Variants in GRAP2 observed in about 807,000 individuals in gnomAD.
GRAP2 encodes the protein GRB2 related adaptor protein 2.
Under a neutral mutation model 43.5 loss-of-function variants are expected in GRAP2, and 31 were observed. The ratio of observed to expected loss-of-function variants is 0.71; its 90% CI spans 0.54 to 0.96. The LOEUF (loss-of-function observed/expected upper bound fraction) is 0.96. Among genes scored for constraint, GRAP2 ranks in the 40% least tolerant of loss-of-function variants. The pLI is 0.00. For synonymous variants in GRAP2, 156 were observed against 164.8 expected (o/e 0.95, Z 0.41); for missense variants, 371 against 424.4 (o/e 0.87, Z 1.11).
intron 4 of GRAP2, among the ~76,000 whole-genome samples, chr22:39,965,163 G>T (rs1601742223): frequency 6.6e-6 from 1 of 152,358 alleles, no homozygotes; most frequent in East Asian, 1.9e-4. Context: ...GCCAAGGCAG[G>T]TGGATCACCG....
intron 1 of GRAP2, among the ~76,000 whole-genome samples, chr22:39,922,194 A>G (rs5757806): frequency 0.5 from 76,357 of 152,004 alleles, 20,492 homozygotes; most frequent in East Asian, 0.75. Context: ...AAGACACACA[A>G]GCAAACAAAT....
intron 1 of GRAP2, among the ~76,000 whole-genome samples, chr22:39,909,523 C>T (rs1244623943): frequency 6.6e-6 from 1 of 152,124 alleles, no homozygotes. Flanking sequence ...GTAAAAATTA[C>T]CTGTCTGATT....
At chr22:39,930,706 TATGAAGTCCTAAGTCCCTGGC>T (rs2066747837) in intron 1 of GRAP2, among the ~76,000 whole-genome samples, 1 of 152,194 alleles carries the variant, frequency 6.6e-6, no homozygotes. Flanking sequence ...TCATCCTTGG[TATGAAGTCCTAAGTCCCTGGC>T]ATGCTTTCAA....
chr22:39,945,275 T>G (rs751863984), intron 1 of GRAP2, among the ~76,000 whole-genome samples: 1 of 152,256 alleles, frequency 6.6e-6, no homozygotes, highest in Non-Finnish European at 1.5e-5. Flanking sequence ...CTTTGGCTCC[T>G]GGTCTATTTT....
chr22:39,904,675 A>G (rs1037468243), intron 1 of GRAP2, among the ~76,000 whole-genome samples: 2 of 152,250 alleles, frequency 1.3e-5, no homozygotes, highest in South Asian at 2.1e-4. Context: ...AGTCCTTAAT[A>G]TCATCTGATA....
At chr22:39,935,274 C>A (rs949089598) in intron 1 of GRAP2, among the ~76,000 whole-genome samples, 13 of 152,154 alleles carry the variant, frequency 8.5e-5, no homozygotes, top group Non-Finnish European at 1.0e-4. Flanking sequence ...TTTGATTCAA[C>A]GTAAACAATT....
At chr22:39,961,371 C>T (rs1309450844) in intron 4 of GRAP2, among the ~76,000 whole-genome samples, 1 of 152,208 alleles carries the variant, frequency 6.6e-6, no homozygotes, top group Non-Finnish European at 1.5e-5. Context: ...ACCTTCCCAT[C>T]TCCTTTGGTT....
chr22:39,930,036 A>G (rs554461806), intron 1 of GRAP2, among the ~76,000 whole-genome samples: 1 of 152,372 alleles, frequency 6.6e-6, no homozygotes, highest in South Asian at 2.1e-4. Context: ...GTTTGGAAAA[A>G]ATAATGCAAA....
chr22:39,935,921 T>C (rs1264697377), intron 1 of GRAP2, among the ~76,000 whole-genome samples: 1 of 152,136 alleles, frequency 6.6e-6, no homozygotes, highest in Non-Finnish European at 1.5e-5. Context: ...GTCACAGCCC[T>C]GGCGAAAACA....
rs764252920 is a variant in GRAP2 at position 39,947,094 on chromosome 22, T to G, written c.-13T>G. 8 of 1,567,130 alleles carry G rather than the reference T, an allele frequency of 5.1e-6. No homozygotes were observed. The South Asian group carries it at 8.9e-5, about 17-fold the overall frequency. On this transcript the variant is annotated splice_region_variant and 5_prime_UTR_variant, in exon 2 of 8. Transcript: ENST00000344138. ...ATGACCACATTATTTCTCTTCCAGC[T>G]TCACGTTACAGCATGGAAGCTGTTG...
intron 1 of GRAP2, among the ~76,000 whole-genome samples, chr22:39,914,894 A>T (rs1016598788): frequency 5.3e-5 from 8 of 152,124 alleles, no homozygotes; most frequent in South Asian, 2.1e-4. Flanking sequence ...TATAAAAAAA[A>T]ATATTCATTT....
Position 39,958,545 on chromosome 22 carries a change from T to G in GRAP2, c.171-1510T>G, listed in dbSNP as rs559329316. On this transcript the variant is annotated intron_variant, in intron 3 of 7. Coordinates refer to ENST00000344138, the MANE Select transcript of GRAP2 (RefSeq NM_004810.4). ...CAGTACTAGATGTTCAGTAAAGCTG[T>G]TGAATGAATGAATGAATGAATGAAC... is the stretch of plus-strand genomic sequence containing the variant. Among the ~76,000 whole-genome samples the G allele has an allele frequency of 2.0e-5, 3 of 151,378 alleles. No individual in the cohort carries two copies. The East Asian group carries it at 5.8e-4, about 29-fold the overall frequency.
In GRAP2 at chr22:39,911,972, A is replaced by AT. The variant is rs920193511; in HGVS notation, c.-15+10646dup. ...CTAGAGTGAAGGGATTTTCACTCCC[A>AT]TTTTACCCGCTGTAGACCTTATGTT... On this transcript the variant is annotated intron_variant, in intron 1 of 7. Transcript: ENST00000344138. Among the ~76,000 whole-genome samples, 4 of 152,232 alleles carry AT rather than the reference A, an allele frequency of 2.6e-5. 1 individual carries two copies. The highest frequency in any genetic ancestry group is 2.6e-4 in the Admixed American group (4 of 15,290).
At chr22:39,935,531 T>G (rs1200976993) in intron 1 of GRAP2, among the ~76,000 whole-genome samples, 1 of 152,218 alleles carries the variant, frequency 6.6e-6, no homozygotes, top group Non-Finnish European at 1.5e-5. Context: ...AAGAATATTA[T>G]AATTCATTTG....
At position 39,938,389 on chromosome 22, in the gene GRAP2, T is replaced by C. The variant is rs12170517; in HGVS notation, c.-14-8704T>C. 3.9e-3 allele frequency among the ~76,000 whole-genome samples: 587 copies of C among 152,348 alleles called. 5 individuals carry two copies. The highest frequency in any genetic ancestry group is 6.4e-3 in the Non-Finnish European group (435 of 68,026). ...GTGTCCATACGTCTGAAAAATACCG[T>C]ATTTATTTGGCTCCCAAACCTGAAA... On this transcript the variant is annotated intron_variant, in intron 1 of 7. Coordinates refer to ENST00000344138, the MANE Select transcript of GRAP2 (RefSeq NM_004810.4).
intron 3 of GRAP2, 34 bp from the exon 4 acceptor site, chr22:39,960,021 A>T (rs1745728615): frequency 1.2e-6 from 2 of 1,607,730 alleles, no homozygotes; most frequent in African/African-American, 1.3e-5. Context: ...CCTGTGTCTC[A>T]TCCTGATCCT....
At chr22:39,905,544 GGATTGTTCTGAA>G (rs1410043743) in intron 1 of GRAP2, among the ~76,000 whole-genome samples, 1 of 151,962 alleles carries the variant, frequency 6.6e-6, no homozygotes, top group Non-Finnish European at 1.5e-5. Flanking sequence ...CTATCTCGTG[GGATTGTTCTGAA>G]GAGTAAACGA....
chr22:39,897,483 A>G (rs117796012), upstream of GRAP2, among the ~76,000 whole-genome samples: 1,867 of 149,890 alleles, frequency 0.012, 27 homozygotes, highest in Non-Finnish European at 0.018. Context: ...TTAAGCCACA[A>G]CCATCTCTGG....
rs779083446 is a variant in GRAP2, at chr22:39,971,072, C to T, written c.981C>T (p.Pro327=). Residue 327 remains proline, a synonymous_variant, in exon 8 of 8, where the codon CCC becomes CCT. Transcript: ENST00000344138. The part of the protein sequence containing the change: ...LGLFPANYVA[P]MTR Reference sequence around the variant, plus strand: ...TCTTCCCTGCCAACTACGTGGCACCCATGACCCGATAAACTCTTCAGGGGA... The same window carrying T: ...TCTTCCCTGCCAACTACGTGGCACCTATGACCCGATAAACTCTTCAGGGGA... 8 of 1,611,800 alleles carry T rather than the reference C, an allele frequency of 5.0e-6. No individual in the cohort carries two copies. In the South Asian group the frequency reaches 8.8e-5, roughly 18 times the overall value.
Sources: gnomAD v4.1 joint callset for allele counts (sites outside exome capture counted in the v4.1 genomes callset) on GRCh38, gnomAD v4.1.1 for gene constraint, MANE v1.5 for transcripts, NCBI Gene and HGNC (gene_info 2026-07-23, HGNC 2026-07-21) for gene names.